RBM47: variants seen among roughly 807,000 people sequenced by gnomAD.
RBM47 encodes RNA-binding protein 47.
In RBM47, 21 loss-of-function variants were observed where a neutral mutation model predicts 47.1. The ratio of observed to expected loss-of-function variants is 0.45; its 90% confidence interval spans 0.32 to 0.64. The LOEUF (loss-of-function observed/expected upper bound fraction) is 0.64, where lower values mean the gene tolerates loss of function less well. Among genes scored for constraint, RBM47 ranks in the 30% least tolerant of loss-of-function variants. The pLI is 0.05. For missense variants in RBM47, 708 were observed against 870.9 expected (o/e 0.81, Z 2.35); for synonymous variants, 375 against 361.7 (o/e 1.04, Z -0.42).
At chr4:40,469,071 G>C (rs1181273862) in intron 2 of RBM47, among the ~76,000 whole-genome samples, 2 of 152,192 alleles carry the variant, frequency 1.3e-5, no homozygotes, top group Non-Finnish European at 1.5e-5. Context: ...TTCCTGGCAG[G>C]ACTGTTGTGG....
chr4:40,580,588 A>C (rs376373207), intron 1 of RBM47, among the ~76,000 whole-genome samples: 33 of 152,288 alleles, frequency 2.2e-4, no homozygotes, highest in African/African-American at 7.7e-4. Flanking sequence ...CCAACCGCCC[A>C]TGGGCTGCAT....
intron 2 of RBM47, among the ~76,000 whole-genome samples, chr4:40,473,737 A>G (rs896217409): frequency 6.6e-6 from 1 of 152,164 alleles, no homozygotes; most frequent in Non-Finnish European, 1.5e-5. Flanking sequence ...GGACTCAGAG[A>G]CCCCACAAAA....
chr4:40,438,845 C>T lies in RBM47; in HGVS notation c.49G>A (p.Gly17Arg), dbSNP rs1713167628. The T allele has an allele frequency of 7.1e-6, 11 of 1,558,352 alleles. No individual in the cohort carries two copies. The highest frequency in any genetic ancestry group is 9.5e-6 in the Non-Finnish European group (11 of 1,157,842). Residue 17 changes from glycine (G) to arginine (R), a missense_variant, in exon 4 of 7, where the codon GGG becomes AGG. Coordinates refer to ENST00000295971, the MANE Select transcript of RBM47 (RefSeq NM_001098634.2). ...CCCTCGGGCACCTTGGCGGAGGACCCGGCGGCCGAGTCACTGCTCATGGCT... is the reference window on the plus strand; with the variant it reads ...CCCTCGGGCACCTTGGCGGAGGACCTGGCGGCCGAGTCACTGCTCATGGCT... The part of the protein sequence containing the change: ...TAAMSSDSAA[G>R]SSAKVPEGVA...
intron 2 of RBM47, among the ~76,000 whole-genome samples, chr4:40,495,112 A>C (rs1234520154): frequency 6.6e-6 from 1 of 152,002 alleles, no homozygotes; most frequent in Non-Finnish European, 1.5e-5. Context: ...CAGCCCTTAA[A>C]CTATTTTGGA....
At chr4:40,502,293 G>T (rs1723479884) in intron 2 of RBM47, among the ~76,000 whole-genome samples, 1 of 152,174 alleles carries the variant, frequency 6.6e-6, no homozygotes, top group Non-Finnish European at 1.5e-5. Flanking sequence ...CAGCAAATTT[G>T]TTTGATGTGT....
chr4:40,434,002 G>GGTGT (rs1166329290), intron 5 of RBM47, among the ~76,000 whole-genome samples: 1,484 of 45,708 alleles, frequency 0.032, 212 homozygotes, highest in South Asian at 0.08. Context: ...GTGGGGCGGG[G>GGTGT]GTGTGTGTGT....
rs1054561511 is a variant in RBM47, at chr4:40,424,740, C to T, written c.*1164G>A. The T allele has an allele frequency of 2.0e-5, 3 of 152,118 alleles. No individual in the cohort carries two copies. Among genetic ancestry groups the T allele is most frequent in the African/African-American group, 7.2e-5 (3 of 41,432 alleles). The allele number at this position is 152,118 out of a possible 1,614,324, so 9.4% of individuals were successfully genotyped here. A position where few individuals can be genotyped will look rare whatever the true frequency, so the allele number is the denominator to read the frequency against. ...TTTTGCAAGAAACATGGTAAGGCAA[C>T]TAGAAGCATAACTTTCTGCTGAAAA... On this transcript the variant is annotated 3_prime_UTR_variant, in exon 7 of 7. Transcript: ENST00000295971.
intron 4 of RBM47, 44 bp from the exon 5 acceptor site, chr4:40,436,691 GGTGC>G (rs1560356260): frequency 1.3e-6 from 2 of 1,590,028 alleles, no homozygotes; most frequent in Non-Finnish European, 8.6e-7. Flanking sequence ...CAACAGTGAC[GGTGC>G]TGGAGGCAGA....
intron 3 of RBM47, among the ~76,000 whole-genome samples, chr4:40,449,212 T>C (rs139680912): frequency 8.5e-5 from 13 of 152,316 alleles, no homozygotes; most frequent in Middle Eastern, 3.4e-3. Flanking sequence ...CGGGCTCTTT[T>C]TTTCTATCAC....
At chr4:40,466,433 T>C (rs773701566) in intron 3 of RBM47, 144 bp downstream of exon 3, 10 of 152,138 alleles carry the variant, frequency 6.6e-5, no homozygotes, top group African/African-American at 9.7e-5. Context: ...AAATGACTTA[T>C]CACGTTCTAT....
intron 2 of RBM47, among the ~76,000 whole-genome samples, chr4:40,489,596 AG>A (rs1455873766): frequency 4.6e-5 from 7 of 152,238 alleles, no homozygotes; most frequent in African/African-American, 1.7e-4. Context: ...ATTCCTAGAA[AG>A]ATGCAAAGGG....
intron 2 of RBM47, among the ~76,000 whole-genome samples, chr4:40,524,687 C>T (rs1726528198): frequency 6.6e-6 from 1 of 152,220 alleles, no homozygotes; most frequent in Non-Finnish European, 1.5e-5. Context: ...ACAGACACCG[C>T]TCAGCTCACT....
At chr4:40,544,350 T>C (rs1174227584) in intron 2 of RBM47, 72 bp downstream of exon 2, 1 of 152,198 alleles carries the variant, frequency 6.6e-6, no homozygotes, top group Non-Finnish European at 1.5e-5. Context: ...CGCTATGTGA[T>C]GTTCACCCAC....
intron 2 of RBM47, among the ~76,000 whole-genome samples, chr4:40,495,546 G>T (rs111673382): frequency 6.6e-6 from 1 of 151,820 alleles, no homozygotes; most frequent in Non-Finnish European, 1.5e-5. Flanking sequence ...AGGTTGCAGC[G>T]AGCCAAGATC....
chr4:40,561,145 A>G (rs1730579883), intron 1 of RBM47, among the ~76,000 whole-genome samples: 1 of 152,056 alleles, frequency 6.6e-6, no homozygotes, highest in Non-Finnish European at 1.5e-5. Context: ...ACTGAGGTCC[A>G]GAGAGATTAT....
intron 1 of RBM47, among the ~76,000 whole-genome samples, chr4:40,600,617 G>C (rs868732272): frequency 1.4e-5 from 2 of 142,402 alleles, no homozygotes; most frequent in Middle Eastern, 7.9e-3. Context: ...CTGGGCGACA[G>C]AGCGAGGCTC....
At chr4:40,615,460 C>T (rs1186747752) in intron 1 of RBM47, among the ~76,000 whole-genome samples, 2 of 151,986 alleles carry the variant, frequency 1.3e-5, no homozygotes, top group African/African-American at 4.8e-5. Context: ...CCTTATACAG[C>T]TCTTCACCAA....
At position 40,609,813 on chromosome 4, in the gene RBM47, A is replaced by C. The variant is rs116553372; in HGVS notation, c.-240+19583T>G. Among the ~76,000 whole-genome samples, 1,501 of 151,802 alleles carry C rather than the reference A, an allele frequency of 9.9e-3. 13 individuals are homozygous for C. Among genetic ancestry groups the C allele is most frequent in the Non-Finnish European group, 0.018 (1,196 of 67,918 alleles). ...CTGGATCTCATTTAAGGCTCATTCA[A>C]GCCAGGCGCTGTGGCTCACACCTGT... On this transcript the variant is annotated intron_variant, in intron 1 of 6. Transcript: ENST00000295971.
rs1725796736 is a variant in RBM47, at chr4:40,518,103, C to G, written c.-155+26319G>C. 3.3e-5 allele frequency among the ~76,000 whole-genome samples: 5 copies of G among 150,720 alleles called. No individual in the cohort carries two copies. In the South Asian group the frequency reaches 1.0e-3, roughly 32 times the overall value. On this transcript the variant is annotated intron_variant, in intron 2 of 6. Coordinates refer to ENST00000295971, the MANE Select transcript of RBM47 (RefSeq NM_001098634.2). ...AAATGGGATTATGAAGTCCAGATAG[C>G]CAATAAGATAGCCATCAAATCACAC...
Sources: allele counts gnomAD v4.1 joint callset (sites outside exome capture counted in the v4.1 genomes callset), GRCh38; gene constraint gnomAD v4.1.1; transcripts MANE v1.5; gene names NCBI Gene and HGNC (gene_info 2026-07-23, HGNC 2026-07-21).